MCM4: variants seen among roughly 807,000 people sequenced by gnomAD.
The protein encoded by MCM4 is DNA replication licensing factor MCM4.
In MCM4, 60 loss-of-function variants were observed where a neutral mutation model predicts 88.7. That is an observed-to-expected ratio of 0.68 (90% CI 0.55 to 0.84). MCM4 has a LOEUF of 0.84. Ranked by LOEUF, MCM4 falls within the 40% of genes least tolerant of loss-of-function variation. The pLI, the probability that MCM4 is intolerant of heterozygous loss-of-function variation, is 0.00. For missense variants in MCM4, 1,149 were observed against 1,105.5 expected, an observed-to-expected ratio of 1.04 and a Z score of -0.56; for synonymous variants, 465 against 410.5, an observed-to-expected ratio of 1.13 and a Z score of -1.61.
intron 14 of MCM4, 23 bp from the exon 15 acceptor site, chr8:47,974,710 CT>C (rs1563836181): frequency 6.3e-7 from 1 of 1,593,498 alleles, no homozygotes; most frequent in Non-Finnish European, 8.6e-7. Context: ...TTTGCTTTTG[CT>C]TTTGTTTTTC....
rs763708242 is a variant in MCM4 at position 47,970,840 on chromosome 8, T to C, written c.1764T>C (p.His588=). 3.7e-6 allele frequency: 6 copies of C among 1,608,682 alleles called. No homozygotes were observed. The highest frequency in any genetic ancestry group is 1.1e-5 in the South Asian group (1 of 90,772). Residue 588 remains histidine (H), a synonymous_variant, in exon 12 of 17, where the codon CAT becomes CAC. Coordinates refer to ENST00000649973, the MANE Select transcript of MCM4 (RefSeq NM_182746.3). ...KMNESTRSVL[H]EVMEQQTLSI... ...ATGAAAGTACAAGATCGGTATTGCA[T>C]GAAGTCATGGAACAGCAGACTCTGT...
chr8:47,973,426 T>C (rs1284114975), intron 14 of MCM4, among the ~76,000 whole-genome samples: 1 of 152,204 alleles, frequency 6.6e-6, no homozygotes, highest in Non-Finnish European at 1.5e-5. Flanking sequence ...TGCGCCAGCC[T>C]CTGCCTCCCA....
At chr8:47,961,292 G>C (rs900119317) in intron 2 of MCM4, 78 bp downstream of exon 2, 1 of 1,428,098 alleles carries the variant, frequency 7.0e-7, no homozygotes, top group Non-Finnish European at 9.1e-7. Flanking sequence ...GCAGCGCTGG[G>C]TGGGTGCGCG....
chr8:47,975,193 T>A (rs1190228463), intron 15 of MCM4: 5 of 434,178 alleles, frequency 1.2e-5, no homozygotes, highest in East Asian at 4.0e-5. Flanking sequence ...TTTTTTTTTT[T>A]TATACTTTAA....
intron 9 of MCM4, among the ~76,000 whole-genome samples, chr8:47,966,872 G>A (rs960273018): frequency 1.3e-4 from 20 of 152,316 alleles, no homozygotes; most frequent in African/African-American, 3.6e-4. Context: ...CTTATTTACC[G>A]TGATTGTGAC....
rs2090987608 is a variant in MCM4, at chr8:47,974,798, TAG to T, written c.2204_2205del (p.Glu735ValfsTer11). 1.2e-6 allele frequency: 2 copies of T among 1,614,120 alleles called. No homozygotes were observed. Among genetic ancestry groups the T allele is most frequent in the Non-Finnish European group, 1.7e-6 (2 of 1,180,052 alleles). ...ATGGTTTCTGCATACCCTCGACAGC[TAG>T]AGTCATTAATCCGCTTAGCAGAAGC... On this transcript the variant is annotated frameshift_variant, in exon 15 of 17. Coordinates refer to ENST00000649973, the MANE Select transcript of MCM4 (RefSeq NM_182746.3). LOFTEE classifies it high-confidence loss of function.
chr8:47,971,687 C>T (rs1221084542), intron 13 of MCM4, among the ~76,000 whole-genome samples: 1 of 152,172 alleles, frequency 6.6e-6, no homozygotes, highest in African/African-American at 2.4e-5. Context: ...TTACACATGG[C>T]TGTCACTCAC....
Position 47,975,805 on chromosome 8 carries a change from A to G in MCM4, c.2456A>G (p.Lys819Arg). ...ILSKGKTPAL[K>R]YQQLFEDIRG... ...TCTAAGGGCAAAACACCAGCTCTAA[A>G]ATACCAGCAACTTTTTGAAGATATT... Residue 819 changes from lysine (K) to arginine (R), a missense_variant, in exon 16 of 17, where the codon AAA becomes AGA. Transcript: ENST00000649973. 6.3e-7 allele frequency: 1 copy of G among 1,586,752 alleles called. No individual in the cohort carries two copies. Among genetic ancestry groups the G allele is most frequent in the Non-Finnish European group, 8.5e-7 (1 of 1,170,136 alleles).
intron 16 of MCM4, among the ~76,000 whole-genome samples, chr8:47,976,191 G>T (rs2090999032): frequency 6.6e-6 from 1 of 151,708 alleles, no homozygotes; most frequent in South Asian, 2.1e-4. Context: ...TACTCAGGAG[G>T]CTTAGGCAGG....
In MCM4 at chr8:47,962,048, T is replaced by C. The variant is rs2090846371; in HGVS notation, c.236-5T>C. 1 of 1,613,732 alleles carries C rather than the reference T, an allele frequency of 6.2e-7. No individual in the cohort carries two copies. Among genetic ancestry groups the C allele is most frequent in the Non-Finnish European group, 8.5e-7 (1 of 1,179,822 alleles). On this transcript the variant is annotated splice_polypyrimidine_tract_variant and splice_region_variant and intron_variant, in intron 3 of 16. Transcript: ENST00000649973. The stretch of plus-strand genomic sequence containing the variant: ...CACCAGAATTTCCTAATTTTGTTTT[T>C]ATAGCTATCCCTCTTGACTTTGATG...
chr8:47,972,235 CAAA>C (rs779237498), intron 13 of MCM4, among the ~76,000 whole-genome samples: 6 of 62,046 alleles, frequency 9.7e-5, no homozygotes, highest in Non-Finnish European at 1.8e-4. Flanking sequence ...GACTCTGTCT[CAAA>C]AAAAAAAAAA....
At chr8:47,961,997 A>G (rs1019236374) in intron 3 of MCM4, 56 bp from the exon 4 acceptor site, 43 of 1,503,502 alleles carry the variant, frequency 2.9e-5, no homozygotes, top group Non-Finnish European at 3.7e-5. Context: ...AACAGACAAC[A>G]TGCTGTAATT....
At chr8:47,964,279 G>A (rs2090876354) in intron 7 of MCM4, among the ~76,000 whole-genome samples, 1 of 152,094 alleles carries the variant, frequency 6.6e-6, no homozygotes, top group South Asian at 2.1e-4. Context: ...CATTATAGAA[G>A]GAAAATAAAG....
intron 10 of MCM4, among the ~76,000 whole-genome samples, chr8:47,967,697 A>G (rs140009721): frequency 2.9e-4 from 44 of 152,208 alleles, no homozygotes; most frequent in Non-Finnish European, 6.0e-4. Context: ...GTTCTTCCCA[A>G]ACTTGAATGT....
At chr8:47,961,319 CCTCGGGCTGGGCGCTGCCGCTTGGT>C (rs1174161037) in intron 2 of MCM4, 105 bp downstream of exon 2, 5 of 1,444,336 alleles carry the variant, frequency 3.5e-6, no homozygotes, top group Non-Finnish European at 4.5e-6. Context: ...GGGCGCTCAG[CCTCGGGCTGGGCGCTGCCGCTTGGT>C]GCGCACAGAC....
intron 16 of MCM4, among the ~76,000 whole-genome samples, 190 bp from the exon 17 acceptor site, chr8:47,976,496 A>G (rs1276766345): frequency 1.3e-5 from 2 of 152,318 alleles, no homozygotes; most frequent in East Asian, 1.9e-4. Flanking sequence ...AACGTGGACT[A>G]TACAGATGCC....
chr8:47,973,998 T>C (rs17334500), intron 14 of MCM4: 7 of 152,194 alleles, frequency 4.6e-5, no homozygotes, highest in East Asian at 1.9e-4. Flanking sequence ...GAAAAAGTCA[T>C]CCAGTTTCTG....
Position 47,962,834 on chromosome 8 carries a change from C to T in MCM4, c.572C>T (p.Pro191Leu). 1 of 1,608,056 alleles carries T rather than the reference C, an allele frequency of 6.2e-7. No individual in the cohort carries two copies. Among genetic ancestry groups the T allele is most frequent in the East Asian group, 2.2e-5 (1 of 44,802 alleles). ...AATGTTGGCATAGATATTACTGAAC[C>T]TCTATACATGCAACGACTTGGGGAG... ...EENVGIDITE[P>L]LYMQRLGEIN... The change falls in exon 6 of 17, where the codon CCT (proline) becomes CTT (leucine). Residue 191 changes from proline (P) to leucine (L), a missense_variant. By Grantham distance (98) the Pro-to-Leu change is moderately conservative. Coordinates refer to ENST00000649973, the MANE Select transcript of MCM4 (RefSeq NM_182746.3).
chr8:47,967,486 G>C lies in MCM4; in HGVS notation c.1174+1G>C. The C allele has an allele frequency of 4.3e-6, 7 of 1,614,158 alleles. No individual in the cohort carries two copies. The highest frequency in any genetic ancestry group is 5.9e-6 in the Non-Finnish European group (7 of 1,179,996). The stretch of plus-strand genomic sequence containing the variant: ...CCTGGGGACAGAGTGAATGTTACAG[G>C]TAAGAGTGTAGGTTTGCACCAGCAC... On this transcript the variant is annotated splice_donor_variant, in intron 10 of 16. Coordinates refer to ENST00000649973, the MANE Select transcript of MCM4 (RefSeq NM_182746.3). LOFTEE classifies it high-confidence loss of function.
Sources: allele counts gnomAD v4.1 joint callset (sites outside exome capture counted in the v4.1 genomes callset), GRCh38; gene constraint gnomAD v4.1.1; transcripts MANE v1.5; gene names NCBI Gene and HGNC (gene_info 2026-07-23, HGNC 2026-07-21).